Variants in CNTN4 observed in about 807,000 individuals in gnomAD.
The protein encoded by CNTN4 is contactin 4, also known as contactin-4.
A neutral mutation model predicts 122.5 loss-of-function variants in CNTN4; 77 were observed. The ratio of observed to expected loss-of-function variants is 0.63; its 90% CI spans 0.52 to 0.76. The LOEUF (loss-of-function observed/expected upper bound fraction) is 0.76, where lower values mean the gene tolerates loss of function less well. Ranked by LOEUF, CNTN4 falls within the 30% of genes least tolerant of loss-of-function variation. CNTN4 has a pLI of 0.00. For missense variants in CNTN4, 1,256 were observed against 1,259.1 expected, an observed-to-expected ratio of 1.00 and a Z score of 0.04; for synonymous variants, 512 against 447.0, an observed-to-expected ratio of 1.15 and a Z score of -1.83.
intron 2 of CNTN4, among the ~76,000 whole-genome samples, chr3:2,309,204 A>G (rs2042826332): frequency 6.6e-6 from 1 of 152,082 alleles, no homozygotes. Flanking sequence ...TTTTCTCATT[A>G]TAAAATCTGT....
intron 7 of CNTN4, among the ~76,000 whole-genome samples, chr3:2,838,281 A>G (rs2093275326): frequency 6.6e-6 from 1 of 152,198 alleles, no homozygotes; most frequent in South Asian, 2.1e-4. Context: ...TAAGACTAAA[A>G]TTAATCCTCC....
chr3:2,659,125 T>C (rs1402243368), intron 4 of CNTN4, among the ~76,000 whole-genome samples: 1 of 152,030 alleles, frequency 6.6e-6, no homozygotes, highest in Non-Finnish European at 1.5e-5. Flanking sequence ...AGAGACAGAA[T>C]TGATACTCTT....
At chr3:2,811,545 C>T (rs896211566) in intron 6 of CNTN4, among the ~76,000 whole-genome samples, 7 of 151,592 alleles carry the variant, frequency 4.6e-5, no homozygotes, top group African/African-American at 1.7e-4. Flanking sequence ...ACTGCAAGCT[C>T]CACCTCCTGG....
intron 7 of CNTN4, among the ~76,000 whole-genome samples, chr3:2,836,218 A>G (rs1576996082): frequency 6.6e-6 from 1 of 152,214 alleles, no homozygotes; most frequent in Non-Finnish European, 1.5e-5. Flanking sequence ...AAAGTTGTCA[A>G]GATTTACTCT....
intron 6 of CNTN4, among the ~76,000 whole-genome samples, chr3:2,766,008 C>T (rs1232578166): frequency 6.6e-6 from 1 of 152,192 alleles, no homozygotes; most frequent in East Asian, 1.9e-4. Context: ...CTGTCTATAG[C>T]ATTTCCAAAT....
chr3:2,864,544 G>A (rs1026140693), intron 7 of CNTN4, among the ~76,000 whole-genome samples: 10 of 151,782 alleles, frequency 6.6e-5, no homozygotes, highest in Non-Finnish European at 1.3e-4. Context: ...TTCGAGACCA[G>A]CCTGGCCAAC....
At chr3:2,615,445 A>G (rs953795649) in intron 4 of CNTN4, among the ~76,000 whole-genome samples, 3 of 152,120 alleles carry the variant, frequency 2.0e-5, no homozygotes, top group African/African-American at 7.2e-5. Flanking sequence ...TAAAGCCCCT[A>G]TCTACTTTCA....
intron 23 of CNTN4, among the ~76,000 whole-genome samples, chr3:3,051,721 A>G (rs1338028646): frequency 6.6e-6 from 1 of 152,208 alleles, no homozygotes; most frequent in Non-Finnish European, 1.5e-5. Flanking sequence ...TGTGTTTTCC[A>G]CCTTGTGTTA....
intron 2 of CNTN4, among the ~76,000 whole-genome samples, chr3:2,254,357 G>A (rs569326724): frequency 1.7e-4 from 26 of 152,230 alleles, no homozygotes; most frequent in Middle Eastern, 3.4e-3. Context: ...ACATACATGC[G>A]CATGTGTCAT....
At chr3:2,569,388 T>G (rs2079321104) in intron 3 of CNTN4, among the ~76,000 whole-genome samples, 1 of 152,180 alleles carries the variant, frequency 6.6e-6, no homozygotes. Context: ...GTGTTTTTCT[T>G]ATAAGTGGGA....
intron 2 of CNTN4, among the ~76,000 whole-genome samples, chr3:2,268,419 A>G (rs2041141369): frequency 6.6e-6 from 1 of 151,718 alleles, no homozygotes; most frequent in Non-Finnish European, 1.5e-5. Flanking sequence ...CAGGGGCAAC[A>G]TTTTCAGTCC....
At chr3:2,262,628 T>TG (rs904132707) in intron 2 of CNTN4, among the ~76,000 whole-genome samples, 4 of 35,510 alleles carry the variant, frequency 1.1e-4, no homozygotes, top group African/African-American at 2.0e-4. Flanking sequence ...TGCTGTTCCG[T>TG]GTTTTTTTTT....
intron 4 of CNTN4, among the ~76,000 whole-genome samples, chr3:2,637,064 C>A (rs1251949797): frequency 6.6e-6 from 1 of 151,098 alleles, no homozygotes; most frequent in Admixed American, 6.6e-5. Context: ...AACTCAGCCT[C>A]CCTAGTAGCT....
At chr3:2,823,722 C>T (rs1487101687) in intron 7 of CNTN4, among the ~76,000 whole-genome samples, 1 of 152,136 alleles carries the variant, frequency 6.6e-6, no homozygotes, top group African/African-American at 2.4e-5. Flanking sequence ...AACAGAGGAA[C>T]TTTGAGATTC....
intron 14 of CNTN4, among the ~76,000 whole-genome samples, chr3:3,010,047 C>A (rs1312217805): frequency 6.6e-6 from 1 of 152,062 alleles, no homozygotes; most frequent in Non-Finnish European, 1.5e-5. Flanking sequence ...GGGAAGGAGA[C>A]TGAGAATCTC....
intron 5 of CNTN4, among the ~76,000 whole-genome samples, chr3:2,736,798 A>ACTTATTTG: frequency 6.7e-6 from 1 of 150,100 alleles, no homozygotes. Flanking sequence ...TTATTTATTT[A>ACTTATTTG]TTTATTTATT....
chr3:2,781,739 T>TA (rs2091576777), intron 6 of CNTN4, among the ~76,000 whole-genome samples: 2 of 139,420 alleles, frequency 1.4e-5, no homozygotes, highest in South Asian at 2.3e-4. Context: ...TTTTTTTTTT[T>TA]TTTGAGACGG....
At chr3:2,550,878 C>A (rs969205902) in intron 3 of CNTN4, among the ~76,000 whole-genome samples, 3 of 152,076 alleles carry the variant, frequency 2.0e-5, no homozygotes, top group Non-Finnish European at 4.4e-5. Context: ...CATGTTATCT[C>A]TCATAAGTGG....
chr3:2,946,921 G>C (rs1392584827), intron 13 of CNTN4, among the ~76,000 whole-genome samples: 2 of 151,910 alleles, frequency 1.3e-5, no homozygotes, highest in Non-Finnish European at 2.9e-5. Context: ...GCCCAGGCTG[G>C]TCTCAAACTC....
Sources: gnomAD v4.1 joint callset for allele counts (sites outside exome capture counted in the v4.1 genomes callset) on GRCh38, gnomAD v4.1.1 for gene constraint, MANE v1.5 for transcripts, NCBI Gene and HGNC (gene_info 2026-07-23, HGNC 2026-07-21) for gene names.